The following TSHZ2 variants were observed in gnomAD, a reference collection of about 807,000 sequenced individuals.
TSHZ2 encodes teashirt homolog 2.
A neutral mutation model predicts 74.4 loss-of-function variants in TSHZ2; 21 were observed. The observed-to-expected ratio is 0.28, with a 90% CI of 0.20 to 0.41. TSHZ2 has a LOEUF of 0.41. Among genes scored for constraint, TSHZ2 ranks in the 10% least tolerant of loss-of-function variants. The probability of loss-of-function intolerance (pLI) is 1.00; values close to 1 mark genes in which losing one functional copy is unlikely to be tolerated. For missense variants in TSHZ2, 1,244 were observed against 1,293.5 expected (o/e 0.96, Z 0.59); for synonymous variants, 540 against 515.3 (o/e 1.05, Z -0.65).
At chr20:53,201,088 G>T (rs2123573909) in intron 1 of TSHZ2, among the ~76,000 whole-genome samples, 1 of 152,180 alleles carries the variant, frequency 6.6e-6, no homozygotes, top group Middle Eastern at 3.4e-3. Flanking sequence ...AGGTCTTATA[G>T]CTGGGGTAGG....
intron 1 of TSHZ2, among the ~76,000 whole-genome samples, chr20:53,016,568 T>C (rs1334478105): frequency 6.6e-6 from 1 of 152,226 alleles, no homozygotes; most frequent in Non-Finnish European, 1.5e-5. Context: ...TGAGCATTCC[T>C]GGTCCACAGA....
At chr20:53,178,664 T>C (rs1314993824) in intron 1 of TSHZ2, 1 of 152,212 alleles carries the variant, frequency 6.6e-6, no homozygotes, top group Non-Finnish European at 1.5e-5. Flanking sequence ...TTATGGAGTT[T>C]GATAAAATCC....
In TSHZ2 at chr20:53,192,307, AC is replaced by A. The variant is rs1344936755; in HGVS notation, c.41-61191del. 4.5e-4 allele frequency among the ~76,000 whole-genome samples: 68 copies of A among 149,788 alleles called. No individual in the cohort carries two copies. In the East Asian group the frequency reaches 8.3e-3, roughly 18 times the overall value. ...CTTCTCTGGCTAAAAAAAAAAAAAA[AC>A]AAAAAAACAACTTTGCTTGTGCATG... On this transcript the variant is annotated intron_variant, in intron 1 of 2. Transcript: ENST00000371497.
At chr20:53,322,302 C>G (rs1055013159) in intron 2 of TSHZ2, among the ~76,000 whole-genome samples, 1 of 152,118 alleles carries the variant, frequency 6.6e-6, no homozygotes, top group Non-Finnish European at 1.5e-5. Context: ...CACTTGAGGT[C>G]AAGAGTTCAA....
At chr20:53,386,576 G>C (rs1404242321) in intron 2 of TSHZ2, among the ~76,000 whole-genome samples, 1 of 152,236 alleles carries the variant, frequency 6.6e-6, no homozygotes, top group Non-Finnish European at 1.5e-5. Flanking sequence ...ATGCAAGACT[G>C]AATAAATGTT....
intron 2 of TSHZ2, among the ~76,000 whole-genome samples, chr20:53,287,358 C>G (rs1244299238): frequency 6.6e-6 from 1 of 152,194 alleles, no homozygotes; most frequent in East Asian, 1.9e-4. Flanking sequence ...TTTATCAGAA[C>G]TCATCTCCAG....
Position 53,254,422 on chromosome 20 carries a change from A to G in TSHZ2, c.964A>G (p.Lys322Glu). 2.5e-6 allele frequency: 4 copies of G among 1,613,354 alleles called. No individual in the cohort carries two copies. Among genetic ancestry groups the G allele is most frequent in the Non-Finnish European group, 3.4e-6 (4 of 1,179,350 alleles). ...ISSKMVTPAK[K>E]RVFDVNRPCS... ...CTCGAAAATGGTCACCCCGGCTAAG[A>G]AACGCGTTTTTGATGTCAATCGGCC... is the stretch of plus-strand genomic sequence containing the variant. The change falls in exon 2 of 3, where the codon AAA becomes GAA. Residue 322 changes from lysine (K) to glutamate (E), a missense_variant. Around this residue, in one of 6 missense-constraint regions of TSHZ2, gnomAD observed 470 missense variants for 456.5 expected, o/e 1.03. Transcript: ENST00000371497.
At chr20:53,448,523 T>C (rs1984648314) in intron 2 of TSHZ2, among the ~76,000 whole-genome samples, 1 of 152,236 alleles carries the variant, frequency 6.6e-6, no homozygotes, top group East Asian at 1.9e-4. Context: ...AGGGTCAATT[T>C]CTGTGTTTCC....
intron 1 of TSHZ2, among the ~76,000 whole-genome samples, chr20:53,088,520 A>G (rs1161705850): frequency 6.6e-6 from 1 of 151,786 alleles, no homozygotes; most frequent in Non-Finnish European, 1.5e-5. Flanking sequence ...GCTGTTGTCA[A>G]CTCTCCCAAG....
intron 1 of TSHZ2, among the ~76,000 whole-genome samples, chr20:53,154,184 C>A (rs1483100482): frequency 6.6e-6 from 1 of 152,122 alleles, no homozygotes; most frequent in Non-Finnish European, 1.5e-5. Flanking sequence ...GGGACTAGAA[C>A]AGGGGACTTG....
intron 1 of TSHZ2, among the ~76,000 whole-genome samples, chr20:53,126,417 G>A (rs1222046495): frequency 6.6e-6 from 1 of 152,174 alleles, no homozygotes; most frequent in Non-Finnish European, 1.5e-5. Context: ...ACCTCATCCA[G>A]GAAAAATAGC....
At chr20:53,182,113 TCCTC>T (rs903821657) in intron 1 of TSHZ2, among the ~76,000 whole-genome samples, 1 of 151,194 alleles carries the variant, frequency 6.6e-6, no homozygotes, top group African/African-American at 2.4e-5. Context: ...CTTCCTTCCT[TCCTC>T]CCTTCTTTCT....
At chr20:53,025,266 A>G (rs1056363291) in intron 1 of TSHZ2, among the ~76,000 whole-genome samples, 1 of 152,136 alleles carries the variant, frequency 6.6e-6, no homozygotes, top group Non-Finnish European at 1.5e-5. Flanking sequence ...TTTTATAGTA[A>G]GAGCAAACAT....
chr20:53,125,071 C>T (rs889942191), intron 1 of TSHZ2, among the ~76,000 whole-genome samples: 25 of 152,152 alleles, frequency 1.6e-4, no homozygotes, highest in African/African-American at 6.0e-4. Context: ...TTGCTTTGGC[C>T]AATTTACTCA....
At chr20:53,377,382 T>A (rs1021775109) in intron 2 of TSHZ2, among the ~76,000 whole-genome samples, 3 of 152,180 alleles carry the variant, frequency 2.0e-5, no homozygotes, top group African/African-American at 7.2e-5. Flanking sequence ...AAATCAGAGC[T>A]CTCTCACTCG....
Position 53,071,329 on chromosome 20 carries a change from G to A in TSHZ2, c.40+97996G>A, listed in dbSNP as rs186948759. 9.8e-5 allele frequency among the ~76,000 whole-genome samples: 15 copies of A among 152,290 alleles called. No individual in the cohort carries two copies. In the East Asian group the frequency reaches 2.7e-3, roughly 27 times the overall value. ...TAGGGCTTAATGTTCATTAATTAGT[G>A]ACTATCTTTCAGGAGCTTCTAAACA... On this transcript the variant is annotated intron_variant, in intron 1 of 2. Coordinates refer to ENST00000371497, the MANE Select transcript of TSHZ2 (RefSeq NM_173485.6).
chr20:53,191,157 CAT>C (rs397864582), intron 1 of TSHZ2, among the ~76,000 whole-genome samples: 3,231 of 151,570 alleles, frequency 0.021, 106 homozygotes, highest in African/African-American at 0.072. Flanking sequence ...TACACATGTG[CAT>C]ATATATATAT....
intron 1 of TSHZ2, among the ~76,000 whole-genome samples, chr20:53,083,334 T>G (rs1333928656): frequency 6.6e-6 from 1 of 152,212 alleles, no homozygotes; most frequent in Non-Finnish European, 1.5e-5. Context: ...GGGAGGTAAA[T>G]AAGACATTGC....
chr20:53,257,273 T>C (rs181623017), intron 2 of TSHZ2, among the ~76,000 whole-genome samples: 1 of 152,362 alleles, frequency 6.6e-6, no homozygotes, highest in Admixed American at 6.5e-5. Flanking sequence ...CTTTCATCTT[T>C]TGGTTTTCTT....
Sources: gnomAD v4.1 joint callset for allele counts (sites outside exome capture counted in the v4.1 genomes callset) on GRCh38, gnomAD v4.1.1 for gene constraint, gnomAD v4.1.1 regional missense constraint, MANE v1.5 for transcripts, NCBI Gene and HGNC (gene_info 2026-07-23, HGNC 2026-07-21) for gene names.